WRN: variants seen among roughly 807,000 people sequenced by gnomAD.
WRN encodes the protein WRN RecQ like helicase, also known as bifunctional 3'-5' exonuclease/ATP-dependent helicase WRN.
A neutral mutation model predicts 180.7 loss-of-function variants in WRN; 149 were observed. That is an observed-to-expected ratio of 0.82 (90% CI 0.72 to 0.94). WRN has a LOEUF of 0.94. Ranked by LOEUF, WRN falls within the 40% of genes least tolerant of loss-of-function variation. The probability of loss-of-function intolerance (pLI) is 0.00; values close to 1 mark genes in which losing one functional copy is unlikely to be tolerated. For missense variants in WRN, 1,661 were observed against 1,700.1 expected (o/e 0.98, Z 0.40); for synonymous variants, 548 against 568.9 (o/e 0.96, Z 0.52).
intron 13 of WRN, among the ~76,000 whole-genome samples, chr8:31,089,875 A>G (rs1813673146): frequency 6.6e-6 from 1 of 151,910 alleles, no homozygotes; most frequent in African/African-American, 2.4e-5. Flanking sequence ...CCATCCATTC[A>G]TTCATTCCAG....
intron 5 of WRN, 44 bp downstream of exon 5, chr8:31,065,107 G>A (rs1338072019): frequency 1.3e-6 from 2 of 1,582,864 alleles, no homozygotes; most frequent in Non-Finnish European, 1.7e-6. Flanking sequence ...AGATTATTTT[G>A]TGTTACACAG....
chr8:31,120,593 A>G (rs145788542), intron 21 of WRN, among the ~76,000 whole-genome samples, 169 bp downstream of exon 21: 1 of 151,946 alleles, frequency 6.6e-6, no homozygotes, highest in Non-Finnish European at 1.5e-5. Flanking sequence ...AGGACATGTA[A>G]GAAGAACATT....
At chr8:31,050,085 ATAACT>A (rs1425694358) in intron 1 of WRN, among the ~76,000 whole-genome samples, 1 of 152,152 alleles carries the variant, frequency 6.6e-6, no homozygotes, top group Non-Finnish European at 1.5e-5. Context: ...AATTTTCCAA[ATAACT>A]TAAAGATAAT....
At chr8:31,052,326 GT>G (rs1369778848) in intron 1 of WRN, among the ~76,000 whole-genome samples, 1 of 152,162 alleles carries the variant, frequency 6.6e-6, no homozygotes, top group East Asian at 1.9e-4. Flanking sequence ...AACCACTAAT[GT>G]TTTGGTATAC....
intron 7 of WRN, among the ~76,000 whole-genome samples, chr8:31,075,437 G>A (rs1157643542): frequency 1.3e-5 from 2 of 151,970 alleles, no homozygotes; most frequent in Non-Finnish European, 2.9e-5. Flanking sequence ...TTTGGCCGGG[G>A]GTGGCAGCTC....
At chr8:31,076,105 A>G in intron 7 of WRN, 68 bp from the exon 8 acceptor site, 3 of 1,268,192 alleles carry the variant, frequency 2.4e-6, no homozygotes, top group Middle Eastern at 1.9e-4. Context: ...ATATTATTTA[A>G]TGAAGTGGCT....
intron 33 of WRN, among the ~76,000 whole-genome samples, chr8:31,159,000 A>G (rs973513270): frequency 3.3e-5 from 5 of 152,074 alleles, no homozygotes. Flanking sequence ...GTGCATATGG[A>G]TATAAAAATG....
At chr8:31,085,050 C>T in intron 10 of WRN, 116 bp from the exon 11 acceptor site, 1 of 750,914 alleles carries the variant, frequency 1.3e-6, no homozygotes, top group South Asian at 1.7e-5. Context: ...ATTATATATC[C>T]ATTAGGGAAG....
chr8:31,056,532 A>C (rs896683741), intron 1 of WRN, among the ~76,000 whole-genome samples: 1 of 152,234 alleles, frequency 6.6e-6, no homozygotes, highest in African/African-American at 2.4e-5. Context: ...AACTTTGATC[A>C]TGATTCTGTG....
chr8:31,142,017 A>C (rs1480803275), intron 26 of WRN, among the ~76,000 whole-genome samples: 1 of 152,006 alleles, frequency 6.6e-6, no homozygotes, highest in Non-Finnish European at 1.5e-5. Context: ...TGGTGCGATC[A>C]TAGCTTACTG....
Position 31,067,064 on chromosome 8 carries a change from G to A in WRN, c.536G>A (p.Ser179Asn), listed in dbSNP as rs770545798. 2 of 1,613,892 alleles carry A rather than the reference G, an allele frequency of 1.2e-6. No homozygotes were observed. Among genetic ancestry groups the A allele is most frequent in the Admixed American group, 1.7e-5 (1 of 60,024 alleles). The change falls in exon 6 of 35, where the codon AGT becomes AAT. Residue 179 changes from serine to asparagine, a missense_variant. This residue lies in a region of WRN where 500 missense variants were observed against 504.1 expected (regional missense o/e 0.99). Transcript: ENST00000298139. Reference sequence around the variant, plus strand: ...TGCACAGAGACCTGGAGCCTTAACAGTCTGGTTAAACACCTCTTAGGTAAA... The same window carrying A: ...TGCACAGAGACCTGGAGCCTTAACAATCTGGTTAAACACCTCTTAGGTAAA... ...LKCTETWSLN[S>N]LVKHLLGKQL...
At chr8:31,115,389 G>T (rs1054158051) in intron 19 of WRN, among the ~76,000 whole-genome samples, 3 of 152,166 alleles carry the variant, frequency 2.0e-5, no homozygotes, top group African/African-American at 7.2e-5. Flanking sequence ...TTTTGCCACA[G>T]TCCTTAAAGG....
chr8:31,067,215 G>A (rs777153045), intron 6 of WRN, 33 bp downstream of exon 6: 9 of 1,610,850 alleles, frequency 5.6e-6, no homozygotes, highest in Non-Finnish European at 7.6e-6. Context: ...AAATTGTGAT[G>A]TGTTTTAAAA....
Position 31,173,366 on chromosome 8 carries a change from C to T in WRN, c.*264C>T. On this transcript the variant is annotated 3_prime_UTR_variant, in exon 35 of 35. Coordinates refer to ENST00000298139, the MANE Select transcript of WRN (RefSeq NM_000553.6). ...GATTGCTTTAAGAAACTGTTACTGTCCTGTTTTCTAATCTCTTTATTAAAA... is the reference window on the plus strand; with the variant it reads ...GATTGCTTTAAGAAACTGTTACTGTTCTGTTTTCTAATCTCTTTATTAAAA... The T allele has an allele frequency of 2.2e-6, 1 of 451,034 alleles. No individual in the cohort carries two copies. The highest frequency in any genetic ancestry group is 4.0e-6 in the Non-Finnish European group (1 of 249,912). 27.9% of individuals were successfully genotyped at this position (451,034 alleles called of 1,614,324 possible).
intron 1 of WRN, among the ~76,000 whole-genome samples, chr8:31,035,040 C>T (rs1278745433): frequency 1.3e-5 from 2 of 152,134 alleles, no homozygotes; most frequent in East Asian, 3.8e-4. Context: ...CATTCTTCAG[C>T]TAAAATTTTA....
At chr8:31,119,718 ACTAATTCTT>A (rs2130318932) in intron 20 of WRN, among the ~76,000 whole-genome samples, 1 of 151,852 alleles carries the variant, frequency 6.6e-6, no homozygotes, top group South Asian at 2.1e-4. Flanking sequence ...ATGTCTTATC[ACTAATTCTT>A]CCCTAAAATT....
intron 33 of WRN, among the ~76,000 whole-genome samples, chr8:31,157,787 G>A (rs1241382902): frequency 6.6e-6 from 1 of 152,126 alleles, no homozygotes; most frequent in Non-Finnish European, 1.5e-5. Context: ...GAGTGCAGTG[G>A]CGTGATCTTG....
At chr8:31,070,310 C>T (rs965121283) in intron 7 of WRN, among the ~76,000 whole-genome samples, 2 of 151,742 alleles carry the variant, frequency 1.3e-5, no homozygotes, top group East Asian at 1.9e-4. Flanking sequence ...ATGATATTTT[C>T]GAATGACCAC....
At chr8:31,149,458 T>G (rs1803014518) in intron 30 of WRN, among the ~76,000 whole-genome samples, 1 of 15,896 alleles carries the variant, frequency 6.3e-5, no homozygotes, top group South Asian at 2.2e-3. Flanking sequence ...TAGAGGTGTT[T>G]TTTTTTTTTT....
Sources: allele counts gnomAD v4.1 joint callset (sites outside exome capture counted in the v4.1 genomes callset), GRCh38; gene constraint gnomAD v4.1.1; regional missense constraint gnomAD v4.1.1; transcripts MANE v1.5; gene names NCBI Gene and HGNC (gene_info 2026-07-23, HGNC 2026-07-21).